The following SCHIP1 variants were observed in gnomAD, a reference collection of about 807,000 sequenced individuals.
The protein encoded by SCHIP1 is schwannomin interacting protein 1.
SCHIP1 carries 8 observed loss-of-function variants against 29.7 expected under a neutral mutation model. The ratio of observed to expected loss-of-function variants is 0.27; its 90% CI spans 0.16 to 0.49. SCHIP1 has a LOEUF of 0.49. Among genes scored for constraint, SCHIP1 ranks in the 20% least tolerant of loss-of-function variants. The probability of loss-of-function intolerance (pLI) is 0.99; values close to 1 mark genes in which losing one functional copy is unlikely to be tolerated. For synonymous variants in SCHIP1, 76 were observed against 94.9 expected (o/e 0.80, Z 1.16); for missense variants, 193 against 294.6 (o/e 0.66, Z 2.52).
the SCHIP1 span, among the ~76,000 whole-genome samples, chr3:159,339,370 C>T: frequency 5.3e-5 from 8 of 152,066 alleles, no homozygotes; most frequent in African/African-American, 1.9e-4. Flanking sequence ...GTTTTCACAT[C>T]AGCAAGCACT....
At chr3:159,764,866 A>T in the SCHIP1 span, 1 of 1,587,424 alleles carries the variant, frequency 6.3e-7, no homozygotes. This position sits in a 1 kb window ranked among gnomAD's most constrained non-coding sequence, Gnocchi z 6.1. Context: ...CCTCAGGCAC[A>T]ATGGCAACGT....
chr3:159,779,496 C>A, the SCHIP1 span, among the ~76,000 whole-genome samples: 1 of 145,364 alleles, frequency 6.9e-6, no homozygotes, highest in Non-Finnish European at 1.5e-5. Context: ...TGGTGAAACC[C>A]TGTCTCTACC....
At chr3:159,534,051 C>A in the SCHIP1 span, among the ~76,000 whole-genome samples, 1 of 152,282 alleles carries the variant, frequency 6.6e-6, no homozygotes, top group African/African-American at 2.4e-5. Flanking sequence ...CAGTCAATTG[C>A]AAGTTCCATG....
the SCHIP1 span, among the ~76,000 whole-genome samples, chr3:159,322,361 G>A: frequency 1.3e-5 from 2 of 152,328 alleles, no homozygotes; most frequent in African/African-American, 4.8e-5. Flanking sequence ...CCATACTATT[G>A]TCTTAATATA....
At chr3:159,485,049 TC>T in the SCHIP1 span, among the ~76,000 whole-genome samples, 1 of 152,212 alleles carries the variant, frequency 6.6e-6, no homozygotes, top group Non-Finnish European at 1.5e-5. Flanking sequence ...GCCAGACTTT[TC>T]TACTTTTCTC....
the SCHIP1 span, among the ~76,000 whole-genome samples, chr3:159,596,865 T>C: frequency 2.0e-4 from 31 of 151,528 alleles, no homozygotes; most frequent in African/African-American, 3.9e-4. Context: ...AGTTAACAGG[T>C]GCAACACACC....
intron 3 of SCHIP1, 40 bp downstream of exon 4, chr3:159,886,364 T>C: frequency 6.4e-7 from 1 of 1,569,830 alleles, no homozygotes; most frequent in Non-Finnish European, 8.7e-7. Context: ...GGTGTTGTGA[T>C]TTCCGGGCCA....
At chr3:159,814,843 G>T in the SCHIP1 span, among the ~76,000 whole-genome samples, 1 of 152,318 alleles carries the variant, frequency 6.6e-6, no homozygotes, top group South Asian at 2.1e-4. Context: ...TGAAAAATGG[G>T]TATGCTTTGA....
chr3:159,316,496 C>T, the SCHIP1 span, among the ~76,000 whole-genome samples: 1 of 152,178 alleles, frequency 6.6e-6, no homozygotes, highest in Non-Finnish European at 1.5e-5. Context: ...AAATGTCAAT[C>T]TCTATTGGCA....
At chr3:159,751,008 A>C in the SCHIP1 span, among the ~76,000 whole-genome samples, 42,530 of 152,096 alleles carry the variant, frequency 0.28, 6,008 homozygotes, top group Middle Eastern at 0.35. Context: ...AACTTTTTTT[A>C]AAGTATTGCT....
At chr3:159,815,174 C>A in the SCHIP1 span, among the ~76,000 whole-genome samples, 1 of 152,194 alleles carries the variant, frequency 6.6e-6, no homozygotes, top group Non-Finnish European at 1.5e-5. Context: ...ATTAGACTCT[C>A]TTGATTACCG....
At chr3:159,402,551 A>T in the SCHIP1 span, among the ~76,000 whole-genome samples, 8 of 152,234 alleles carry the variant, frequency 5.3e-5, no homozygotes, top group Non-Finnish European at 8.8e-5. Flanking sequence ...AACATGATAG[A>T]CTGGATTAAG....
chr3:159,380,527 CCATT>C, the SCHIP1 span, among the ~76,000 whole-genome samples: 5 of 151,974 alleles, frequency 3.3e-5, no homozygotes, highest in Non-Finnish European at 4.4e-5. Flanking sequence ...TATACTAGTA[CCATT>C]ATTATATTAA....
the SCHIP1 span, among the ~76,000 whole-genome samples, chr3:159,827,382 G>A: frequency 6.6e-6 from 1 of 152,098 alleles, no homozygotes; most frequent in African/African-American, 2.4e-5. Context: ...AAATTTAATA[G>A]CTCCTTAGAG....
At chr3:159,639,316 G>A in the SCHIP1 span, among the ~76,000 whole-genome samples, 12 of 151,864 alleles carry the variant, frequency 7.9e-5, no homozygotes, top group East Asian at 5.8e-4. Context: ...CCTTTTTCAC[G>A]TGCATGTGAG....
the SCHIP1 span, among the ~76,000 whole-genome samples, chr3:159,316,200 C>A: frequency 1.5e-3 from 229 of 151,918 alleles, no homozygotes; most frequent in African/African-American, 5.1e-3. Flanking sequence ...ATATATATAT[C>A]TATAAAGGGA....
the SCHIP1 span, among the ~76,000 whole-genome samples, chr3:159,304,704 G>A: frequency 1.3e-5 from 2 of 152,164 alleles, no homozygotes; most frequent in Non-Finnish European, 2.9e-5. Context: ...GACTTTGAAT[G>A]TTTGGATCTG....
chr3:159,859,997 G>A lies in SCHIP1; in HGVS notation c.31-6166G>A, dbSNP rs570695010. ...ACAGGGTGTGTGTGTGTGTGTGTGC[G>A]TGTGTGTGTGTGTCTGTCTGTCTGT... is the stretch of plus-strand genomic sequence containing the variant. On this transcript the variant is annotated intron_variant, in intron 1 of 6. Coordinates refer to ENST00000445224, the Ensembl canonical transcript of SCHIP1. Among the ~76,000 whole-genome samples the A allele has an allele frequency of 2.0e-4, 31 of 151,240 alleles. No homozygotes were observed. The East Asian group carries it at 2.2e-3, about 11-fold the overall frequency.
At chr3:159,386,854 C>A in the SCHIP1 span, 1 of 153,540 alleles carries the variant, frequency 6.5e-6, no homozygotes, top group Non-Finnish European at 1.5e-5. Flanking sequence ...GACTTGGCAA[C>A]AGTCTCTTTC....
Sources: gnomAD v4.1 joint callset for allele counts (sites outside exome capture counted in the v4.1 genomes callset) on GRCh38, gnomAD v4.1.1 for gene constraint, Gnocchi (gnomAD v3.1) non-coding constraint, MANE v1.5 for transcripts, NCBI Gene and HGNC (gene_info 2026-07-23, HGNC 2026-07-21) for gene names.